The following SEMA6D variants were observed in gnomAD, a reference collection of about 807,000 sequenced individuals.
The protein encoded by SEMA6D is semaphorin-6D.
A neutral mutation model predicts 106.6 loss-of-function variants in SEMA6D; 35 were observed. The ratio of observed to expected loss-of-function variants is 0.33; its 90% CI spans 0.25 to 0.44. The LOEUF (loss-of-function observed/expected upper bound fraction) is 0.44. Ranked by LOEUF, SEMA6D falls within the 20% of genes least tolerant of loss-of-function variation. SEMA6D has a pLI of 1.00. For missense variants in SEMA6D, 1,185 were observed against 1,345.9 expected (o/e 0.88, Z 1.87); for synonymous variants, 499 against 487.7 (o/e 1.02, Z -0.31).
chr15:47,720,919 G>A (rs918091850), intron 1 of SEMA6D, among the ~76,000 whole-genome samples: 2 of 152,186 alleles, frequency 1.3e-5, no homozygotes, highest in Non-Finnish European at 2.9e-5. Context: ...TGTAACCGTA[G>A]GAGGTGAACT....
chr15:47,615,197 A>G (rs1175776278), intron 4 of SEMA6D, among the ~76,000 whole-genome samples: 1 of 152,244 alleles, frequency 6.6e-6, no homozygotes, highest in East Asian at 1.9e-4. Flanking sequence ...ATACAATAAT[A>G]AAAAATGCAA....
At chr15:47,706,762 A>C (rs542132219) in intron 4 of SEMA6D, among the ~76,000 whole-genome samples, 1 of 152,254 alleles carries the variant, frequency 6.6e-6, no homozygotes, top group East Asian at 1.9e-4. Context: ...GGAGAACACT[A>C]TATAAGTTGT....
At chr15:47,651,658 G>A (rs147006099) in intron 4 of SEMA6D, among the ~76,000 whole-genome samples, 1,610 of 152,296 alleles carry the variant, frequency 0.011, 18 homozygotes, top group South Asian at 0.045. Flanking sequence ...GGGATGTTCT[G>A]GGTCAGACCT....
intron 3 of SEMA6D, among the ~76,000 whole-genome samples, chr15:47,512,547 C>T (rs2044264471): frequency 6.6e-6 from 1 of 152,106 alleles, no homozygotes; most frequent in South Asian, 2.1e-4. Context: ...GAGACAATGG[C>T]AATTCAGGGT....
chr15:47,765,195 A>G lies in SEMA6D; in HGVS notation c.1427+139A>G, dbSNP rs631164. The stretch of plus-strand genomic sequence containing the variant: ...GTTTTGTGTTTTTTTTCTCATTGAA[A>G]TAAATCTTGGGTTTGTTTTTTTCCC... On this transcript the variant is annotated intron_variant, in intron 13 of 18. Transcript: ENST00000536845. 3.7e-3 allele frequency: 5,337 copies of G among 1,430,890 alleles called. 169 individuals are homozygous for G. In the African/African-American group the frequency reaches 0.069, roughly 19 times the overall value. 88.6% of individuals were successfully genotyped at this position (1,430,890 alleles called of 1,614,324 possible). A position where few individuals can be genotyped will look rare whatever the true frequency, so the allele number is the denominator to read the frequency against.
intron 2 of SEMA6D, among the ~76,000 whole-genome samples, chr15:47,436,092 T>G (rs2041691054): frequency 6.6e-6 from 1 of 152,074 alleles, no homozygotes; most frequent in African/African-American, 2.4e-5. Context: ...TAGCACAAAT[T>G]AAAAATTTGA....
intron 2 of SEMA6D, among the ~76,000 whole-genome samples, chr15:47,426,508 T>C (rs1264988137): frequency 6.6e-6 from 1 of 152,110 alleles, no homozygotes; most frequent in East Asian, 1.9e-4. Context: ...GGATGCGGTC[T>C]TTATATAGGG....
intron 1 of SEMA6D, among the ~76,000 whole-genome samples, chr15:47,339,548 T>C (rs143119865): frequency 1.0e-3 from 158 of 152,270 alleles, no homozygotes; most frequent in Non-Finnish European, 1.7e-3. Context: ...CTGACACATA[T>C]ACTATGCCAG....
intron 1 of SEMA6D, among the ~76,000 whole-genome samples, chr15:47,299,064 G>A (rs1360918755): frequency 6.6e-6 from 1 of 152,180 alleles, no homozygotes; most frequent in African/African-American, 2.4e-5. Context: ...AGACAAGGAT[G>A]TAAGCAGAAG....
chr15:47,362,325 G>A (rs746248393), intron 1 of SEMA6D, among the ~76,000 whole-genome samples: 9 of 152,160 alleles, frequency 5.9e-5, no homozygotes, highest in East Asian at 1.9e-4. Context: ...TGCTAATGGC[G>A]TGCAGTATAA....
chr15:47,579,220 C>G (rs1327504338), intron 3 of SEMA6D, among the ~76,000 whole-genome samples: 1 of 151,136 alleles, frequency 6.6e-6, no homozygotes, highest in Non-Finnish European at 1.5e-5. Context: ...CAGCTCACTG[C>G]AACCTCCACC....
intron 1 of SEMA6D, among the ~76,000 whole-genome samples, chr15:47,216,678 A>G (rs966282564): frequency 6.6e-6 from 1 of 152,002 alleles, no homozygotes; most frequent in Admixed American, 6.6e-5. Flanking sequence ...AACCTAATAC[A>G]TCAATGGAAA....
intron 3 of SEMA6D, among the ~76,000 whole-genome samples, chr15:47,531,885 G>A (rs1044530208): frequency 2.6e-5 from 4 of 152,188 alleles, no homozygotes; most frequent in African/African-American, 9.7e-5. Flanking sequence ...GGGGATTCTT[G>A]TTCTAAAGCA....
intron 1 of SEMA6D, among the ~76,000 whole-genome samples, chr15:47,386,775 C>T (rs80333183): frequency 9.6e-4 from 146 of 152,254 alleles, no homozygotes; most frequent in African/African-American, 3.1e-3. Flanking sequence ...CTGCCAGGCA[C>T]GTTCTTATAG....
chr15:47,244,689 T>G (rs2033104910), intron 1 of SEMA6D, among the ~76,000 whole-genome samples: 7 of 152,174 alleles, frequency 4.6e-5, no homozygotes, highest in African/African-American at 1.2e-4. Flanking sequence ...AGCATTTTAT[T>G]TTTAATAACT....
At chr15:47,717,438 T>C (rs1417846808), upstream of SEMA6D, 1 of 152,104 alleles carries the variant, frequency 6.6e-6, no homozygotes, top group East Asian at 1.9e-4. Context: ...GCTCGCCTGA[T>C]GGATTGACTT....
chr15:47,604,728 C>T (rs1037635041), intron 4 of SEMA6D, among the ~76,000 whole-genome samples: 29 of 152,166 alleles, frequency 1.9e-4, no homozygotes, highest in African/African-American at 7.0e-4. Flanking sequence ...AGGAATTATT[C>T]ACTGTAATAG....
At chr15:47,299,716 C>A (rs550879478) in intron 1 of SEMA6D, among the ~76,000 whole-genome samples, 2 of 152,282 alleles carry the variant, frequency 1.3e-5, no homozygotes, top group East Asian at 1.9e-4. Context: ...ACTTGAGTAA[C>A]CTACATCCAT....
intron 3 of SEMA6D, among the ~76,000 whole-genome samples, chr15:47,537,700 G>A (rs1281378766): frequency 1.3e-5 from 2 of 151,936 alleles, no homozygotes; most frequent in Admixed American, 6.6e-5. Context: ...TTGCCTCAGA[G>A]GACCAATCAT....
Sources: gnomAD v4.1 joint callset for allele counts (sites outside exome capture counted in the v4.1 genomes callset) on GRCh38, gnomAD v4.1.1 for gene constraint, MANE v1.5 for transcripts, NCBI Gene and HGNC (gene_info 2026-07-23, HGNC 2026-07-21) for gene names.